Variants in CASTOR2 observed in about 807,000 individuals in gnomAD.
The protein encoded by CASTOR2 is GATS protein like 2.
Under a neutral mutation model 31.2 loss-of-function variants are expected in CASTOR2, and 8 were observed. The ratio of observed to expected loss-of-function variants is 0.26; its 90% CI spans 0.15 to 0.46. The LOEUF (loss-of-function observed/expected upper bound fraction) is 0.46. Ranked by LOEUF, CASTOR2 falls within the 20% of genes least tolerant of loss-of-function variation. The pLI is 0.99. For missense variants in CASTOR2, 216 were observed against 382.1 expected (o/e 0.57, Z 3.62); for synonymous variants, 162 against 158.7 (o/e 1.02, Z -0.16).
chr7:75,024,713 G>A lies in CASTOR2; in HGVS notation c.*14G>A, dbSNP rs1185524283. On this transcript the variant is annotated 3_prime_UTR_variant, in exon 9 of 9. Coordinates refer to ENST00000616305, the MANE Select transcript of CASTOR2 (RefSeq NM_001145064.3). Reference sequence around the variant, plus strand: ...GAGAAGCACTAGAAGGGTCTCTTCTGCTCCTCCCTGCCGCCGCCCGGGCCC... The same window carrying A: ...GAGAAGCACTAGAAGGGTCTCTTCTACTCCTCCCTGCCGCCGCCCGGGCCC... 2.6e-6 allele frequency: 4 copies of A among 1,551,584 alleles called. No individual in the cohort carries two copies. Among genetic ancestry groups the A allele is most frequent in the East Asian group, 2.4e-5 (1 of 40,928 alleles).
intron 2 of CASTOR2, among the ~76,000 whole-genome samples, chr7:75,010,704 G>T (rs1310214961): frequency 5.3e-5 from 8 of 152,124 alleles, no homozygotes; most frequent in Non-Finnish European, 1.2e-4. Flanking sequence ...GCCCAGCAAG[G>T]CCAGAGGCTA....
intron 1 of CASTOR2, among the ~76,000 whole-genome samples, chr7:74,989,117 T>C (rs1324278869): frequency 3.0e-4 from 45 of 151,994 alleles, no homozygotes; most frequent in Non-Finnish European, 5.9e-5. Flanking sequence ...CCCGCCACCA[T>C]GCCCGGCTAA....
At chr7:74,997,552 A>C (rs1228650549) in intron 1 of CASTOR2, among the ~76,000 whole-genome samples, 1 of 151,836 alleles carries the variant, frequency 6.6e-6, no homozygotes, top group African/African-American at 2.4e-5. Flanking sequence ...CAGCCCCCCA[A>C]GTAGCTAGGA....
Position 75,028,167 on chromosome 7 carries a change from G to A in CASTOR2, c.*3468G>A. 7.9e-7 allele frequency: 1 copy of A among 1,267,632 alleles called. No individual in the cohort carries two copies. The highest frequency in any genetic ancestry group is 1.1e-6 in the Non-Finnish European group (1 of 941,034). 78.5% of individuals were successfully genotyped at this position (1,267,632 alleles called of 1,614,324 possible). A position where few individuals can be genotyped will look rare whatever the true frequency, so the allele number is the denominator to read the frequency against. ...GAGTCTTGCTCTGTCGCCCAGGCTG[G>A]AGTGCTGTGGCATGATCTCAGCTCA... On this transcript the variant is annotated 3_prime_UTR_variant, in exon 9 of 9. Coordinates refer to ENST00000616305, the MANE Select transcript of CASTOR2 (RefSeq NM_001145064.3).
chr7:75,024,133 C>CA (rs1357199714), intron 7 of CASTOR2, among the ~76,000 whole-genome samples: 2 of 151,898 alleles, frequency 1.3e-5, no homozygotes, highest in African/African-American at 2.4e-5. Flanking sequence ...ACTAAAAATA[C>CA]AAAAAAATTA....
intron 1 of CASTOR2, among the ~76,000 whole-genome samples, chr7:74,984,898 G>A (rs1804027758): frequency 6.6e-6 from 1 of 152,172 alleles, no homozygotes; most frequent in Admixed American, 6.5e-5. Flanking sequence ...TTGGGAGGCC[G>A]AGGCAGTCAG....
At chr7:74,995,686 T>A (rs1410707897) in intron 1 of CASTOR2, among the ~76,000 whole-genome samples, 1 of 151,672 alleles carries the variant, frequency 6.6e-6, no homozygotes, top group Non-Finnish European at 1.5e-5. Flanking sequence ...CAGGCGCCTG[T>A]AGTCCCAGCT....
chr7:74,980,570 C>A (rs2131921086), intron 1 of CASTOR2, among the ~76,000 whole-genome samples: 1 of 128,348 alleles, frequency 7.8e-6, no homozygotes, highest in South Asian at 2.4e-4. Context: ...CACAGAAATT[C>A]AATGGATGTT....
chr7:74,977,796 G>GT (rs1803856158), intron 1 of CASTOR2, among the ~76,000 whole-genome samples: 3 of 150,232 alleles, frequency 2.0e-5, no homozygotes, highest in African/African-American at 7.3e-5. Flanking sequence ...CCCTGCCTCA[G>GT]CCCCACTGAG....
At position 75,031,376 on chromosome 7, in the gene CASTOR2, C is replaced by G. The variant is rs943436540; in HGVS notation, c.*6677C>G. Reference sequence around the variant, plus strand: ...ACCTGCCATCTTATCCCTACCCCCCCGGGGCCCTCAAGCTTATTTTCTTGT... The same window carrying G: ...ACCTGCCATCTTATCCCTACCCCCCGGGGGCCCTCAAGCTTATTTTCTTGT... On this transcript the variant is annotated 3_prime_UTR_variant, in exon 9 of 9. Coordinates refer to ENST00000616305, the MANE Select transcript of CASTOR2 (RefSeq NM_001145064.3). Among the ~76,000 whole-genome samples the G allele has an allele frequency of 6.6e-6, 1 of 152,150 alleles. No individual in the cohort carries two copies. The highest frequency in any genetic ancestry group is 2.4e-5 in the African/African-American group (1 of 41,436).
chr7:74,978,167 G>A lies in CASTOR2; in HGVS notation c.113+13069G>A, dbSNP rs1316691965. ...CACCCAGGCTGGAGTGCAATGGTGCGATCTTGGCTCATTGCAACTTCCATC... is the reference window on the plus strand; with the variant it reads ...CACCCAGGCTGGAGTGCAATGGTGCAATCTTGGCTCATTGCAACTTCCATC... On this transcript the variant is annotated intron_variant, in intron 1 of 8. Coordinates refer to ENST00000616305, the MANE Select transcript of CASTOR2 (RefSeq NM_001145064.3). Among the ~76,000 whole-genome samples the A allele has an allele frequency of 3.8e-4, 56 of 148,326 alleles. 1 individual carries two copies. The highest frequency in any genetic ancestry group is 5.5e-4 in the Non-Finnish European group (37 of 67,028).
At chr7:75,003,568 A>G (rs1461461005) in intron 1 of CASTOR2, among the ~76,000 whole-genome samples, 26 of 152,042 alleles carry the variant, frequency 1.7e-4, no homozygotes, top group Admixed American at 1.6e-3. Flanking sequence ...GGCTAACACG[A>G]TGAAACCCTG....
In CASTOR2 at chr7:75,030,000, A is replaced by T. The variant is rs1805255172; in HGVS notation, c.*5301A>T. ...TAGCAAGACCCTGCCTCTACAAGAA[A>T]ATAACGAAAGAGGCCCCAGGGAAGG... is the stretch of plus-strand genomic sequence containing the variant. On this transcript the variant is annotated 3_prime_UTR_variant, in exon 9 of 9. Transcript: ENST00000616305. Among the ~76,000 whole-genome samples, 1 of 152,182 alleles carries T rather than the reference A, an allele frequency of 6.6e-6. No homozygotes were observed. The highest frequency in any genetic ancestry group is 1.5e-5 in the Non-Finnish European group (1 of 68,028).
At chr7:75,022,089 A>T (rs1805019479) in intron 7 of CASTOR2, 133 bp downstream of exon 7, 1 of 1,073,910 alleles carries the variant, frequency 9.3e-7, no homozygotes, top group Admixed American at 2.0e-5. Context: ...GGAGCCTGAA[A>T]TTTCTGTTGC....
intron 2 of CASTOR2, among the ~76,000 whole-genome samples, chr7:75,014,144 C>T (rs1212562473): frequency 1.4e-4 from 22 of 152,084 alleles, no homozygotes; most frequent in Admixed American, 1.4e-3. Context: ...TAGAGGGGCC[C>T]AGTGCTTATC....
chr7:75,015,949 C>A (rs1284156113), intron 2 of CASTOR2, among the ~76,000 whole-genome samples: 1 of 152,094 alleles, frequency 6.6e-6, no homozygotes, highest in African/African-American at 2.4e-5. Context: ...TGCCTCTAAT[C>A]CCAGCTACTC....
chr7:74,996,745 T>TTTTTTTA (rs879110275), intron 1 of CASTOR2, among the ~76,000 whole-genome samples: 1 of 125,918 alleles, frequency 7.9e-6, no homozygotes, highest in African/African-American at 3.3e-5. Context: ...TTTTTTTTTT[T>TTTTTTTA]GGAGACAGAA....
chr7:74,990,111 G>A (rs1445176376), intron 1 of CASTOR2, among the ~76,000 whole-genome samples: 2 of 152,024 alleles, frequency 1.3e-5, no homozygotes, highest in Admixed American at 1.3e-4. Context: ...TTTTGGTGCC[G>A]GGTGCGGTGG....
chr7:75,011,771 C>T (rs1804754735), intron 2 of CASTOR2, among the ~76,000 whole-genome samples: 2 of 146,144 alleles, frequency 1.4e-5, no homozygotes, highest in African/African-American at 5.2e-5. Context: ...AGTTCGAGAC[C>T]AGCCTGACCA....
Sources: gnomAD v4.1 joint callset for allele counts (sites outside exome capture counted in the v4.1 genomes callset) on GRCh38, gnomAD v4.1.1 for gene constraint, MANE v1.5 for transcripts, NCBI Gene and HGNC (gene_info 2026-07-23, HGNC 2026-07-21) for gene names.